THOC5: variants seen among roughly 807,000 people sequenced by gnomAD.
THOC5 encodes Fms-interacting protein.
A neutral mutation model predicts 92.9 loss-of-function variants in THOC5; 43 were observed. The observed-to-expected ratio is 0.46, with a 90% confidence interval of 0.36 to 0.60. The LOEUF is 0.60. Among genes scored for constraint, THOC5 ranks in the 20% least tolerant of loss-of-function variants. THOC5 has a pLI of 0.00. For synonymous variants in THOC5, 296 were observed against 320.1 expected, an observed-to-expected ratio of 0.92 and a Z score of 0.80; for missense variants, 659 against 849.4, an observed-to-expected ratio of 0.78 and a Z score of 2.79.
intron 7 of THOC5, chr22:29,534,518 T>C (rs2063716661): frequency 6.6e-6 from 1 of 151,946 alleles, no homozygotes. Flanking sequence ...GTTTCAGAGA[T>C]TTTATTTGTG....
At chr22:29,537,673 C>T (rs975226657) in intron 6 of THOC5, among the ~76,000 whole-genome samples, 6 of 151,704 alleles carry the variant, frequency 4.0e-5, no homozygotes, top group South Asian at 2.1e-4. Flanking sequence ...AGGTGAATCA[C>T]GAGGTCAAGA....
chr22:29,528,767 T>C (rs1371291631), intron 9 of THOC5, among the ~76,000 whole-genome samples: 2 of 152,030 alleles, frequency 1.3e-5, no homozygotes, highest in Non-Finnish European at 2.9e-5. Context: ...GTAACACAAA[T>C]AATAATAATA....
chr22:29,542,817 C>T (rs764139683), intron 5 of THOC5, 42 bp downstream of exon 5: 4 of 1,412,698 alleles, frequency 2.8e-6, no homozygotes, highest in African/African-American at 2.8e-5. Flanking sequence ...AAGCAGTTAC[C>T]GAAAGACCAC....
chr22:29,541,730 A>G (rs1170745092), intron 5 of THOC5, among the ~76,000 whole-genome samples: 1 of 148,502 alleles, frequency 6.7e-6, no homozygotes, highest in Non-Finnish European at 1.5e-5. Context: ...GCGTGGTGGC[A>G]AGCGCCTGTA....
rs565555485 is a variant in THOC5 at position 29,536,711 on chromosome 22, T to C, written c.627A>G (p.Leu209=). 6.2e-6 allele frequency: 10 copies of C among 1,612,778 alleles called. No individual in the cohort carries two copies. Among genetic ancestry groups the C allele is most frequent in the Admixed American group, 3.3e-5 (2 of 60,024 alleles). The part of the protein sequence containing the change: ...KRLAEKYREC[L]SNKEKILKEI... ...CCTTGAGAATCTTCTCCTTGTTAGA[T>C]AGGCACTCTCGGTACTTCTCTGCCA... Residue 209 remains leucine, a synonymous_variant, in exon 7 of 20, where the codon CTA becomes CTG. Transcript: ENST00000490103.
At chr22:29,526,010 ATAGGGGGTAGTAAGGTGGGGGGGT>A in intron 11 of THOC5, 64 bp from the exon 12 acceptor site, 2 of 792,630 alleles carry the variant, frequency 2.5e-6, no homozygotes, top group Non-Finnish European at 4.0e-6. Context: ...GAACAGAGTC[ATAGGGGGTAGTAAGGTGGGGGGGT>A]CAAGTGTTGA....
intron 11 of THOC5, among the ~76,000 whole-genome samples, chr22:29,527,667 T>C (rs2063570336): frequency 6.6e-6 from 1 of 152,324 alleles, no homozygotes; most frequent in East Asian, 1.9e-4. Flanking sequence ...TGTTAGCTCT[T>C]CTACTGCTAG....
chr22:29,530,055 A>G (rs2063621444), intron 8 of THOC5, among the ~76,000 whole-genome samples: 1 of 151,912 alleles, frequency 6.6e-6, no homozygotes, highest in Middle Eastern at 3.2e-3. Flanking sequence ...AGACAGGAGA[A>G]TTGCTTGAAT....
chr22:29,511,482 TTCCTGATTCTGACCCATAGC>T (rs2063221132), intron 18 of THOC5, 186 bp from the exon 19 acceptor site: 2 of 588,868 alleles, frequency 3.4e-6, no homozygotes, highest in Admixed American at 6.1e-5. Context: ...CAATGAGGTC[TTCCTGATTCTGACCCATAGC>T]TTTCCCTGCC....
Position 29,512,086 on chromosome 22 carries a change from G to A in THOC5, c.1732C>T (p.Pro578Ser), listed in dbSNP as rs1295057252. ...VLNPGYSSIP[P>S]VFQLCLNWKG... The stretch of plus-strand genomic sequence containing the variant: ...CAGTTCAAACAGAGCTGGAAAACAG[G>A]TGGGATGGAGGAGTAGCCAGGGTTC... Residue 578 changes from proline (P) to serine (S), a missense_variant, in exon 18 of 20, where the codon CCT (proline) becomes TCT (serine). Transcript: ENST00000490103. The A allele has an allele frequency of 6.2e-7, 1 of 1,614,146 alleles. No individual in the cohort carries two copies. Among genetic ancestry groups the A allele is most frequent in the Admixed American group, 1.7e-5 (1 of 60,016 alleles).
At chr22:29,519,451 G>A (rs1017561962) in intron 14 of THOC5, among the ~76,000 whole-genome samples, 1 of 152,198 alleles carries the variant, frequency 6.6e-6, no homozygotes, top group Non-Finnish European at 1.5e-5. Flanking sequence ...CTGCAGACAT[G>A]AGTCCCAGAG....
chr22:29,525,961 G>T lies in THOC5; in HGVS notation c.1067-15C>A, dbSNP rs750105960. 5.1e-6 allele frequency: 8 copies of T among 1,581,832 alleles called. No homozygotes were observed. ...CACACTGTCATCTGGAGGGGAGGAAGATGAGAGAATTTATGAGTCAAAACA... is the reference window on the plus strand; with the variant it reads ...CACACTGTCATCTGGAGGGGAGGAATATGAGAGAATTTATGAGTCAAAACA... On this transcript the variant is annotated splice_polypyrimidine_tract_variant and intron_variant, in intron 11 of 19. Coordinates refer to ENST00000490103, the MANE Select transcript of THOC5 (RefSeq NM_003678.5).
intron 14 of THOC5, 39 bp from the exon 15 acceptor site, chr22:29,519,159 C>G (rs767196509): frequency 7.2e-6 from 10 of 1,388,722 alleles, no homozygotes; most frequent in South Asian, 1.3e-5. Flanking sequence ...TGTGCTCCCC[C>G]ATCCCTTCCT....
At chr22:29,549,868 T>C (rs1466804406) in intron 1 of THOC5, among the ~76,000 whole-genome samples, 1 of 152,034 alleles carries the variant, frequency 6.6e-6, no homozygotes, top group East Asian at 1.9e-4. Flanking sequence ...TTTTCCTCCC[T>C]ATATCCTTCA....
chr22:29,511,086 A>G lies in THOC5; in HGVS notation c.1988+20T>C. ...CCACATCACCATGAGAAGTCACCAG[A>G]GCCCCAACCCTCTCCTCACCTGAAG... On this transcript the variant is annotated intron_variant, in intron 19 of 19. Coordinates refer to ENST00000490103, the MANE Select transcript of THOC5 (RefSeq NM_003678.5). 3 of 1,605,980 alleles carry G rather than the reference A, an allele frequency of 1.9e-6. No individual in the cohort carries two copies. The highest frequency in any genetic ancestry group is 2.6e-6 in the Non-Finnish European group (3 of 1,173,814).
At position 29,507,508 on chromosome 22, in the gene THOC5, G is replaced by C. The variant is rs1016609344; in HGVS notation, c.*949C>G. 1 of 152,092 alleles carries C rather than the reference G, an allele frequency of 6.6e-6. No individual in the cohort carries two copies. Among genetic ancestry groups the C allele is most frequent in the Non-Finnish European group, 1.5e-5 (1 of 68,040 alleles). 9.4% of individuals were successfully genotyped at this position (152,092 alleles called of 1,614,324 possible). A position where few individuals can be genotyped will look rare whatever the true frequency, so the allele number is the denominator to read the frequency against. On this transcript the variant is annotated 3_prime_UTR_variant, in exon 20 of 20. Coordinates refer to ENST00000490103, the MANE Select transcript of THOC5 (RefSeq NM_003678.5). ...TGAGTAACTGGGACTACAGGCATGCGCCACCACGCTTGGCTAATTTCCATG... is the reference window on the plus strand; with the variant it reads ...TGAGTAACTGGGACTACAGGCATGCCCCACCACGCTTGGCTAATTTCCATG...
intron 17 of THOC5, among the ~76,000 whole-genome samples, chr22:29,514,650 C>T (rs1322865620): frequency 1.3e-5 from 2 of 151,504 alleles, no homozygotes; most frequent in African/African-American, 2.4e-5. Flanking sequence ...TTGTTGCCCA[C>T]TTATTCGTCT....
intron 12 of THOC5, among the ~76,000 whole-genome samples, chr22:29,522,261 G>C (rs912690077): frequency 6.6e-6 from 1 of 151,784 alleles, no homozygotes; most frequent in Non-Finnish European, 1.5e-5. Context: ...TTGGGAGGCT[G>C]AGGCAGGAGA....
rs569322146 is a variant in THOC5 at position 29,508,028 on chromosome 22, G to A, written c.*429C>T. On this transcript the variant is annotated 3_prime_UTR_variant, in exon 20 of 20. Coordinates refer to ENST00000490103, the MANE Select transcript of THOC5 (RefSeq NM_003678.5). ...GACTAATGGGAAGAGCGGGTGGGGA[G>A]GGAAGAGTTTTGCTTTTTGTGCTCT... is the stretch of plus-strand genomic sequence containing the variant. 5.9e-6 allele frequency: 1 copy of A among 169,184 alleles called. No individual in the cohort carries two copies. Among genetic ancestry groups the A allele is most frequent in the African/African-American group, 2.4e-5 (1 of 41,824 alleles). 10.5% of individuals were successfully genotyped at this position (169,184 alleles called of 1,614,324 possible). A position where few individuals can be genotyped will look rare whatever the true frequency, so the allele number is the denominator to read the frequency against.
Sources: allele counts gnomAD v4.1 joint callset (sites outside exome capture counted in the v4.1 genomes callset), GRCh38; gene constraint gnomAD v4.1.1; transcripts MANE v1.5; gene names NCBI Gene and HGNC (gene_info 2026-07-23, HGNC 2026-07-21).